DNTT: variants seen among roughly 807,000 people sequenced by gnomAD.
The protein encoded by DNTT is DNA nucleotidylexotransferase.
DNTT carries 47 observed loss-of-function variants against 60.9 expected under a neutral mutation model. The observed-to-expected ratio is 0.77, with a 90% CI of 0.61 to 0.98. DNTT has a LOEUF of 0.98. Among genes scored for constraint, DNTT ranks in the 50% least tolerant of loss-of-function variants. The pLI, the probability that DNTT is intolerant of heterozygous loss-of-function variation, is 0.00. For missense variants in DNTT, 665 were observed against 627.5 expected, an observed-to-expected ratio of 1.06 and a Z score of -0.64; for synonymous variants, 224 against 221.2, an observed-to-expected ratio of 1.01 and a Z score of -0.11.
chr10:96,308,698 A>G (rs1844671934), intron 1 of DNTT, among the ~76,000 whole-genome samples: 1 of 152,206 alleles, frequency 6.6e-6, no homozygotes, highest in Non-Finnish European at 1.5e-5. Flanking sequence ...AGAGTCAGCA[A>G]AGGGTGGTGG....
chr10:96,337,611 C>T (rs1477146220), intron 10 of DNTT, among the ~76,000 whole-genome samples: 2 of 152,230 alleles, frequency 1.3e-5, no homozygotes, highest in South Asian at 2.1e-4. Context: ...AGGAGAAGAG[C>T]TGCTTGGTCT....
At chr10:96,309,854 G>C (rs1354503529) in intron 1 of DNTT, among the ~76,000 whole-genome samples, 3 of 152,182 alleles carry the variant, frequency 2.0e-5, no homozygotes, top group African/African-American at 7.2e-5. Flanking sequence ...GAGCTGGCCC[G>C]TGAACCCTCT....
chr10:96,317,112 T>A (rs529016406), intron 1 of DNTT, among the ~76,000 whole-genome samples: 12 of 152,290 alleles, frequency 7.9e-5, no homozygotes, highest in African/African-American at 2.9e-4. Flanking sequence ...CTATTTGAAC[T>A]GAAAGGATCT....
chr10:96,333,499 AG>A (rs963666287), intron 9 of DNTT, among the ~76,000 whole-genome samples: 1 of 152,244 alleles, frequency 6.6e-6, no homozygotes, highest in Non-Finnish European at 1.5e-5. Context: ...TATGTCAAAG[AG>A]AGGTCTGCAC....
At chr10:96,305,117 T>C (rs1844618745) in intron 1 of DNTT, among the ~76,000 whole-genome samples, 1 of 152,216 alleles carries the variant, frequency 6.6e-6, no homozygotes, top group Admixed American at 6.5e-5. Context: ...TTCTTACCTA[T>C]ACATCTGGGC....
intron 9 of DNTT, among the ~76,000 whole-genome samples, chr10:96,334,322 T>G (rs1378540732): frequency 6.6e-6 from 1 of 152,184 alleles, no homozygotes; most frequent in Non-Finnish European, 1.5e-5. Context: ...GGTGACATGA[T>G]GTTCTCAAAG....
At chr10:96,313,339 C>T (rs1355918193) in intron 1 of DNTT, among the ~76,000 whole-genome samples, 2 of 152,128 alleles carry the variant, frequency 1.3e-5, no homozygotes, top group African/African-American at 4.8e-5. Flanking sequence ...ACAACTTCAG[C>T]CTCAATCACA....
chr10:96,327,360 C>A, intron 6 of DNTT, 108 bp from the exon 7 acceptor site: 1 of 1,506,834 alleles, frequency 6.6e-7, no homozygotes, highest in Non-Finnish European at 9.2e-7. Flanking sequence ...GGTGTTGATG[C>A]CTGTAGTCAT....
chr10:96,322,089 G>C (rs1418939287), intron 4 of DNTT, among the ~76,000 whole-genome samples: 3 of 152,198 alleles, frequency 2.0e-5, no homozygotes, highest in Non-Finnish European at 4.4e-5. Context: ...GAGAGCGCCA[G>C]AGGTTGTGCT....
Position 96,332,680 on chromosome 10 carries a change from C to T in DNTT, c.1359+84C>T, listed in dbSNP as rs1845021710. 1.7e-5 allele frequency: 26 copies of T among 1,554,108 alleles called. No individual in the cohort carries two copies. In the Middle Eastern group the frequency reaches 9.1e-4, roughly 54 times the overall value. On this transcript the variant is annotated intron_variant, in intron 9 of 10. Coordinates refer to ENST00000371174, the MANE Select transcript of DNTT (RefSeq NM_004088.4). The stretch of plus-strand genomic sequence containing the variant: ...CTACCTGGGCCCAGGGGAGAGATGA[C>T]GGCAACAGGGGCTGGGTGACAGGGG...
chr10:96,320,938 GTC>G (rs57273993), intron 4 of DNTT, 150 bp downstream of exon 4: 9,044 of 548,842 alleles, frequency 0.016, 507 homozygotes, highest in African/African-American at 0.15. Flanking sequence ...TCTCTCCTCT[GTC>G]TCTCTCTCTC....
chr10:96,318,512 A>G lies in DNTT; in HGVS notation c.364A>G (p.Lys122Glu), dbSNP rs1252054057. The G allele has an allele frequency of 1.2e-6, 2 of 1,613,486 alleles. No homozygotes were observed. Among genetic ancestry groups the G allele is most frequent in the South Asian group, 2.2e-5 (2 of 90,974 alleles). ...RAGKPVEMTG[K>E]HQLVVRRDYS... ...AGGGAAACCGGTGGAAATGACAGGA[A>G]AACACCAGCTTGTTGTAAGTGTCAT... The change falls in exon 2 of 11, where the codon AAA becomes GAA. Residue 122 changes from lysine to glutamate, a missense_variant. Transcript: ENST00000371174.
intron 5 of DNTT, among the ~76,000 whole-genome samples, chr10:96,323,116 A>T (rs1564872573): frequency 1.3e-5 from 2 of 152,204 alleles, no homozygotes; most frequent in African/African-American, 4.8e-5. Flanking sequence ...AGCTTGGCCA[A>T]CATGGTGAAA....
chr10:96,337,187 C>T lies in DNTT; in HGVS notation c.1444-951C>T, dbSNP rs527971918. Reference sequence around the variant, plus strand: ...CAGGCAGGTTTCCCCATAAGTCCCACTCTTCCAGCTACTTCAACAGAGAAG... The same window carrying T: ...CAGGCAGGTTTCCCCATAAGTCCCATTCTTCCAGCTACTTCAACAGAGAAG... On this transcript the variant is annotated intron_variant, in intron 10 of 10. Coordinates refer to ENST00000371174, the MANE Select transcript of DNTT (RefSeq NM_004088.4). Among the ~76,000 whole-genome samples, 32 of 152,350 alleles carry T rather than the reference C, an allele frequency of 2.1e-4. No individual in the cohort carries two copies. The South Asian group carries it at 6.6e-3, about 32-fold the overall frequency.
At position 96,315,207 on chromosome 10, in the gene DNTT, CA is replaced by C. The variant is rs1844773307; in HGVS notation, c.204-3139del. ...TTATTTGTGGCAAAGGACCAGTTTT[CA>C]AAAAATGTGTTGAAGACCAATGCTT... On this transcript the variant is annotated intron_variant, in intron 1 of 10. Transcript: ENST00000371174. Among the ~76,000 whole-genome samples, 3 of 146,888 alleles carry C rather than the reference CA, an allele frequency of 2.0e-5. No homozygotes were observed. In the Middle Eastern group the frequency reaches 0.011, roughly 517 times the overall value.
At chr10:96,337,007 CAGTT>C (rs1297360359) in intron 10 of DNTT, among the ~76,000 whole-genome samples, 1 of 150,228 alleles carries the variant, frequency 6.7e-6, no homozygotes, top group Non-Finnish European at 1.5e-5. Flanking sequence ...GAGATGTATT[CAGTT>C]AGAGTTGTCT....
rs752907059 is a variant in DNTT at position 96,304,547 on chromosome 10, G to A, written c.50G>A (p.Arg17Gln). The change falls in exon 1 of 11, where the codon CGG becomes CAG. Residue 17 changes from arginine to glutamine, a missense_variant. Arg to Gln is a conservative substitution (Grantham distance 43). Transcript: ENST00000371174. ...SHLSPRKKRP[R>Q]QTGALMASSP... Reference sequence around the variant, plus strand: ...TTGAGCCCTCGGAAGAAGAGACCCCGGCAGACGGGTGCCTTGATGGCCTCC... The same window carrying A: ...TTGAGCCCTCGGAAGAAGAGACCCCAGCAGACGGGTGCCTTGATGGCCTCC... 2.0e-5 allele frequency: 32 copies of A among 1,614,086 alleles called. No homozygotes were observed. In the East Asian group the frequency reaches 2.5e-4, roughly 12 times the overall value.
Position 96,338,440 on chromosome 10 carries a change from C to G in DNTT, c.*216C>G. 2.6e-6 allele frequency: 1 copy of G among 388,532 alleles called. No homozygotes were observed. The highest frequency in any genetic ancestry group is 4.6e-6 in the Non-Finnish European group (1 of 217,832). The allele number at this position is 388,532 out of a possible 1,614,324, so 24.1% of individuals were successfully genotyped here. ...GTTTATGACTGTTGCATAGAATTCA[C>G]AATGCATTTTTCAAGAGAAATGATG... On this transcript the variant is annotated 3_prime_UTR_variant, in exon 11 of 11. Transcript: ENST00000371174.
chr10:96,330,596 C>A (rs899855091), intron 8 of DNTT, among the ~76,000 whole-genome samples: 1 of 152,010 alleles, frequency 6.6e-6, no homozygotes, highest in Non-Finnish European at 1.5e-5. Flanking sequence ...TTCTTCAAGG[C>A]GTTGAAGGGT....
Sources: gnomAD v4.1 joint callset for allele counts (sites outside exome capture counted in the v4.1 genomes callset) on GRCh38, gnomAD v4.1.1 for gene constraint, MANE v1.5 for transcripts, NCBI Gene and HGNC (gene_info 2026-07-23, HGNC 2026-07-21) for gene names.